Variants in SLC8A1 observed in about 807,000 individuals in gnomAD.
SLC8A1 encodes the protein sodium/calcium exchanger 1.
Under a neutral mutation model 68.3 loss-of-function variants are expected in SLC8A1, and 18 were observed. That is an observed-to-expected ratio of 0.26 (90% CI 0.18 to 0.39). The LOEUF is 0.39. Ranked by LOEUF, SLC8A1 falls within the 10% of genes least tolerant of loss-of-function variation. The pLI, the probability that SLC8A1 is intolerant of heterozygous loss-of-function variation, is 1.00. For missense variants in SLC8A1, 985 were observed against 1,156.7 expected, an observed-to-expected ratio of 0.85 and a Z score of 2.15; for synonymous variants, 475 against 415.5, an observed-to-expected ratio of 1.14 and a Z score of -1.74.
chr2:40,265,662 T>G (rs951915819), intron 2 of SLC8A1, among the ~76,000 whole-genome samples: 29 of 152,248 alleles, frequency 1.9e-4, no homozygotes, highest in Non-Finnish European at 3.4e-4. Flanking sequence ...TTTAAATGAT[T>G]TATGTGATGT....
At chr2:40,373,861 T>G (rs946655170) in intron 2 of SLC8A1, among the ~76,000 whole-genome samples, 3 of 152,090 alleles carry the variant, frequency 2.0e-5, no homozygotes, top group African/African-American at 7.2e-5. Flanking sequence ...TCCCTGACAG[T>G]GCACCAAAAA....
chr2:40,320,355 C>G (rs1379057838), intron 2 of SLC8A1, among the ~76,000 whole-genome samples: 1 of 152,086 alleles, frequency 6.6e-6, no homozygotes. Context: ...TGACATTATT[C>G]TCCAAACCAT....
chr2:40,148,907 G>A (rs1184723018), intron 6 of SLC8A1, among the ~76,000 whole-genome samples: 1 of 152,156 alleles, frequency 6.6e-6, no homozygotes, highest in Admixed American at 6.5e-5. Flanking sequence ...GCTAAGGTGG[G>A]TGCTGACAAT....
intron 6 of SLC8A1, among the ~76,000 whole-genome samples, chr2:40,153,365 C>G (rs971431086): frequency 6.6e-6 from 1 of 152,126 alleles, no homozygotes; most frequent in Non-Finnish European, 1.5e-5. Flanking sequence ...TTGGTGGCTG[C>G]ACCAGAATTC....
At chr2:40,485,828 C>A (rs1704932814) in intron 1 of SLC8A1, among the ~76,000 whole-genome samples, 1 of 151,918 alleles carries the variant, frequency 6.6e-6, no homozygotes, top group Non-Finnish European at 1.5e-5. Flanking sequence ...TTTGGCAGTG[C>A]TCAAAAAATA....
upstream of SLC8A1, among the ~76,000 whole-genome samples, chr2:40,452,966 T>A (rs1702736563): frequency 6.6e-6 from 1 of 152,146 alleles, no homozygotes. Context: ...GAACCATTCT[T>A]TGCCCTTTCC....
At chr2:40,199,102 C>T (rs1331884200) in intron 2 of SLC8A1, among the ~76,000 whole-genome samples, 1 of 99,950 alleles carries the variant, frequency 1.0e-5, no homozygotes, top group African/African-American at 3.3e-5. Context: ...GTTCAAGACT[C>T]CAAAAATTAA....
intron 1 of SLC8A1, among the ~76,000 whole-genome samples, chr2:40,495,644 G>A (rs1705648232): frequency 6.6e-6 from 1 of 152,020 alleles, no homozygotes; most frequent in South Asian, 2.1e-4. Flanking sequence ...ACTGTTGATA[G>A]TGAACTTTAT....
chr2:40,247,444 GT>G (rs2062032156), intron 2 of SLC8A1, among the ~76,000 whole-genome samples: 1 of 147,608 alleles, frequency 6.8e-6, no homozygotes, highest in African/African-American at 2.6e-5. Flanking sequence ...ATGTGTGTGT[GT>G]GTGTGTGTGT....
At chr2:40,415,094 A>G (rs565246419) in intron 2 of SLC8A1, among the ~76,000 whole-genome samples, 2 of 152,292 alleles carry the variant, frequency 1.3e-5, no homozygotes, top group African/African-American at 4.8e-5. Flanking sequence ...ACTGATAAGG[A>G]TAGCCTATAA....
At position 40,404,132 on chromosome 2, in the gene SLC8A1, G is replaced by C. The variant is rs1462378486; in HGVS notation, c.1808+24341C>G. On this transcript the variant is annotated intron_variant, in intron 2 of 7. Transcript: ENST00000406785. ...GTTGGTTTTGAGATTCTGGGCTCAA[G>C]TGATCCTCTACCTCAGCCTCCAAAG... Among the ~76,000 whole-genome samples, 3 of 152,120 alleles carry C rather than the reference G, an allele frequency of 2.0e-5. No individual in the cohort carries two copies. In the East Asian group the frequency reaches 5.8e-4, roughly 29 times the overall value.
At chr2:40,314,305 A>G (rs2074148916) in intron 2 of SLC8A1, among the ~76,000 whole-genome samples, 1 of 152,096 alleles carries the variant, frequency 6.6e-6, no homozygotes, top group Non-Finnish European at 1.5e-5. Context: ...ATCCAAAACC[A>G]GTTTATTCAT....
At chr2:40,437,420 G>T (rs895422462) in intron 1 of SLC8A1, among the ~76,000 whole-genome samples, 1 of 152,068 alleles carries the variant, frequency 6.6e-6, no homozygotes, top group Non-Finnish European at 1.5e-5. Context: ...CATAGCAAGG[G>T]AAAGATGATC....
At chr2:40,489,300 A>G (rs1486886297) in intron 1 of SLC8A1, among the ~76,000 whole-genome samples, 1 of 152,160 alleles carries the variant, frequency 6.6e-6, no homozygotes, top group Admixed American at 6.6e-5. Flanking sequence ...TGCCAGGCTT[A>G]AATGGGATTA....
At chr2:40,512,205 T>G (rs1166814810) in intron 1 of SLC8A1, 4 of 150,816 alleles carry the variant, frequency 2.7e-5, no homozygotes, top group African/African-American at 9.8e-5. Flanking sequence ...TCTTAGTCAC[T>G]AGCTCCAACC....
At chr2:40,198,911 G>A (rs1038493740) in intron 2 of SLC8A1, among the ~76,000 whole-genome samples, 1 of 148,028 alleles carries the variant, frequency 6.8e-6, no homozygotes, top group Non-Finnish European at 1.5e-5. Flanking sequence ...GAGAGATTTT[G>A]CAGCTTAATG....
In SLC8A1 at chr2:40,139,693, G is replaced by A; in HGVS notation, c.2162-17C>T. 1 of 1,607,552 alleles carries A rather than the reference G, an allele frequency of 6.2e-7. No homozygotes were observed. Among genetic ancestry groups the A allele is most frequent in the South Asian group, 1.1e-5 (1 of 90,290 alleles). On this transcript the variant is annotated splice_polypyrimidine_tract_variant and intron_variant, in intron 6 of 7. Transcript: ENST00000406785. ...CATCTTCCCCTAGAGAGAATGGAAG[G>A]AAGCACATTTCATCACAACCTGTGT...
intron 2 of SLC8A1, among the ~76,000 whole-genome samples, chr2:40,319,520 T>C (rs2074924057): frequency 6.6e-6 from 1 of 152,122 alleles, no homozygotes; most frequent in African/African-American, 2.4e-5. Flanking sequence ...ATGTGTTCTT[T>C]ATCAGAGACG....
chr2:40,222,525 T>C (rs2148848673), intron 2 of SLC8A1, among the ~76,000 whole-genome samples: 1 of 152,016 alleles, frequency 6.6e-6, no homozygotes, highest in South Asian at 2.1e-4. Flanking sequence ...AATTGACAAA[T>C]GGGATCTGAT....
Sources: allele counts gnomAD v4.1 joint callset (sites outside exome capture counted in the v4.1 genomes callset), GRCh38; gene constraint gnomAD v4.1.1; transcripts MANE v1.5; gene names NCBI Gene and HGNC (gene_info 2026-07-23, HGNC 2026-07-21).